RYR1: variants seen among roughly 807,000 people sequenced by gnomAD.
RYR1 encodes the protein ryanodine receptor 1, also known as central core disease of muscle.
Under a neutral mutation model 583.5 loss-of-function variants are expected in RYR1, and 342 were observed. The ratio of observed to expected loss-of-function variants is 0.59; its 90% CI spans 0.54 to 0.64. RYR1 has a LOEUF of 0.64. RYR1 is among the 30% of genes least tolerant of loss of function. The pLI, the probability that RYR1 is intolerant of heterozygous loss-of-function variation, is 0.00. For synonymous variants in RYR1, 2,791 were observed against 2,822.5 expected (o/e 0.99, Z 0.35); for missense variants, 6,032 against 6,917.2 (o/e 0.87, Z 4.54).
At chr19:38,505,142 G>C (rs1251099848) in intron 52 of RYR1, 61 bp downstream of exon 52, 1 of 1,507,630 alleles carries the variant, frequency 6.6e-7, no homozygotes, top group Non-Finnish European at 9.2e-7. Context: ...CCCCCGACCT[G>C]GTTCTTCCCT....
In RYR1 at chr19:38,512,458, G is replaced by T; in HGVS notation, c.9447G>T (p.Gln3149His). ...CCACCCTCTTCCAGCACATCGCCCA[G>T]CACCAGTTCGGAGATGACGTCATCC... is the stretch of plus-strand genomic sequence containing the variant. ...VLTTLFQHIA[Q>H]HQFGDDVILD... The change falls in exon 63 of 106, where the codon CAG (glutamine) becomes CAT (histidine). Residue 3149 changes from glutamine (Q) to histidine (H), a missense_variant. By Grantham distance (24) the Gln-to-His change is conservative. Coordinates refer to ENST00000359596, the MANE Select transcript of RYR1 (RefSeq NM_000540.3). This position sits in a 1 kb window ranked among gnomAD's most constrained non-coding sequence, Gnocchi z 5.1. 1 of 1,612,760 alleles carries T rather than the reference G, an allele frequency of 6.2e-7. No individual in the cohort carries two copies.
rs1969131696 is a variant in RYR1 at position 38,483,659 on chromosome 19, G to A, written c.4934+143G>A. The A allele has an allele frequency of 9.6e-6, 7 of 732,252 alleles. No homozygotes were observed. The Admixed American group carries it at 1.2e-4, about 12-fold the overall frequency. The allele number at this position is 732,252 out of a possible 1,614,324, so 45.4% of individuals were successfully genotyped here. On this transcript the variant is annotated intron_variant, in intron 33 of 105. Transcript: ENST00000359596. The surrounding 1 kb of genome is among the most constrained non-coding windows in gnomAD (Gnocchi z 6.3). ...TCTCCAGACCTACCTCAGGGGACTC[G>A]GGCTCAGCTCAGACATCCCCAGATT...
chr19:38,501,550 C>G (rs1600828108), intron 47 of RYR1, among the ~76,000 whole-genome samples: 1 of 152,166 alleles, frequency 6.6e-6, no homozygotes, highest in Admixed American at 6.5e-5. Flanking sequence ...ACACAGAACT[C>G]TGTACAGGAA....
rs184576613 is a variant in RYR1, at chr19:38,548,206, G to T, written c.12095-27G>T. On this transcript the variant is annotated intron_variant, in intron 88 of 105. Coordinates refer to ENST00000359596, the MANE Select transcript of RYR1 (RefSeq NM_000540.3). Reference sequence around the variant, plus strand: ...GGGCCCCAGAAGGGAGTGTTCACCGGCCACACTGACCTGGGGCTGCCTGCA... The same window carrying T: ...GGGCCCCAGAAGGGAGTGTTCACCGTCCACACTGACCTGGGGCTGCCTGCA... The T allele has an allele frequency of 2.8e-5, 45 of 1,613,616 alleles. No homozygotes were observed. The Admixed American group carries it at 3.7e-4, about 13-fold the overall frequency.
intron 95 of RYR1, 143 bp downstream of exon 95, chr19:38,572,413 T>G (rs536449139): frequency 1.3e-4 from 135 of 1,023,774 alleles, no homozygotes; most frequent in Non-Finnish European, 1.8e-4. Context: ...GCTGGGGAAC[T>G]GGGTACAGGA....
intron 81 of RYR1, 54 bp from the exon 82 acceptor site, chr19:38,535,943 G>A: frequency 1.3e-6 from 2 of 1,526,758 alleles, no homozygotes; most frequent in Non-Finnish European, 1.8e-6. Context: ...CCCTGGGAGA[G>A]AGGAGGGCAG....
chr19:38,516,182 C>T lies in RYR1; in HGVS notation c.9650C>T (p.Ser3217Phe), dbSNP rs1283174775. The change falls in exon 65 of 106, where the codon TCC becomes TTC. Residue 3217 changes from serine to phenylalanine, a missense_variant. Around this residue, in one of 11 missense-constraint regions of RYR1, gnomAD observed 1,493 missense variants for 1,715.5 expected, o/e 0.87. Transcript: ENST00000359596. ...EPQLNEYNACSVYTTKSPRER... is the reference protein window; with the variant it reads ...EPQLNEYNACFVYTTKSPRER... Reference sequence around the variant, plus strand: ...CAGCTGAACGAGTACAACGCCTGCTCCGTGTACACCACCAAGTCTCCGCGG... The same window carrying T: ...CAGCTGAACGAGTACAACGCCTGCTTCGTGTACACCACCAAGTCTCCGCGG... 3 of 1,572,436 alleles carry T rather than the reference C, an allele frequency of 1.9e-6. No individual in the cohort carries two copies. The Admixed American group carries it at 5.6e-5, about 29-fold the overall frequency.
rs1970552777 is a variant in RYR1, at chr19:38,507,923, CGTCCTCCCCTT to C, written c.8932+97_8932+107del. 4.0e-6 allele frequency: 3 copies of C among 759,180 alleles called. No individual in the cohort carries two copies. In the Admixed American group the frequency reaches 5.8e-5, roughly 15 times the overall value. The allele number at this position is 759,180 out of a possible 1,614,324, so 47.0% of individuals were successfully genotyped here. On this transcript the variant is annotated intron_variant, in intron 58 of 105. Coordinates refer to ENST00000359596, the MANE Select transcript of RYR1 (RefSeq NM_000540.3). Reference sequence around the variant, plus strand: ...AGGACACCTGTTCATGCACTCAATCCGTCCTCCCCTTATCTGATGTTTATTGAGCTTCTACT... The same window carrying C: ...AGGACACCTGTTCATGCACTCAATCCATCTGATGTTTATTGAGCTTCTACT...
chr19:38,530,987 C>CTTTTTTTTTTTTTT (rs59244176), intron 76 of RYR1, among the ~76,000 whole-genome samples: 3 of 129,374 alleles, frequency 2.3e-5, no homozygotes, highest in Non-Finnish European at 3.2e-5. Flanking sequence ...TTTTCTTTCT[C>CTTTTTTTTTTTTTT]TTTTTTTTTT....
rs762179811 is a variant in RYR1 at position 38,506,872 on chromosome 19, G to C, written c.8736G>C (p.Thr2912=). ...HPLLVPYDTL[T]AKEKARDREK... The stretch of plus-strand genomic sequence containing the variant: ...TGCTGGTCCCCTACGACACGCTCAC[G>C]GCCAAGGAGAAGGCACGAGATCGAG... Residue 2912 remains threonine (T), a synonymous_variant, in exon 57 of 106, where the codon ACG becomes ACC. Coordinates refer to ENST00000359596, the MANE Select transcript of RYR1 (RefSeq NM_000540.3). 1 of 1,613,948 alleles carries C rather than the reference G, an allele frequency of 6.2e-7. No homozygotes were observed. Among genetic ancestry groups the C allele is most frequent in the South Asian group, 1.1e-5 (1 of 91,066 alleles).
rs60482983 is a variant in RYR1 at position 38,492,360 on chromosome 19, C to CA, written c.6128-113dup. 61,330 of 721,164 alleles carry CA rather than the reference C, an allele frequency of 0.085. 248 individuals carry two copies. Among genetic ancestry groups the CA allele is most frequent in the African/African-American group, 0.15 (6,040 of 39,922 alleles). The allele number at this position is 721,164 out of a possible 1,614,324, so 44.7% of individuals were successfully genotyped here. On this transcript the variant is annotated intron_variant, in intron 37 of 105. Transcript: ENST00000359596. ...ACTGCAACAGAACAAGACACTGTCTCAAAAAAAAAAAAAAAAAGGAAATGA... is the reference window on the plus strand; with the variant it reads ...ACTGCAACAGAACAAGACACTGTCTCAAAAAAAAAAAAAAAAAAGGAAATGA...
intron 76 of RYR1, among the ~76,000 whole-genome samples, chr19:38,531,265 C>T (rs899581292): frequency 1.3e-5 from 2 of 151,932 alleles, no homozygotes; most frequent in African/African-American, 4.8e-5. Context: ...TGTGGGAGAG[C>T]GATGGCTCTG....
At chr19:38,523,156 G>A (rs774097591) in intron 68 of RYR1, 41 bp downstream of exon 68, 4 of 1,613,838 alleles carry the variant, frequency 2.5e-6, no homozygotes, top group Admixed American at 3.3e-5. Flanking sequence ...AACCAGAGGA[G>A]CCGCAGCCCA....
At chr19:38,523,445 C>T in intron 69 of RYR1, 136 bp downstream of exon 69, 1 of 881,084 alleles carries the variant, frequency 1.1e-6, no homozygotes, top group Admixed American at 2.0e-5. Flanking sequence ...GCCCCTCTTA[C>T]CTCCTCTCCC....
intron 91 of RYR1, among the ~76,000 whole-genome samples, chr19:38,566,241 G>A (rs1394125726): frequency 6.6e-6 from 1 of 151,838 alleles, no homozygotes; most frequent in African/African-American, 2.4e-5. Flanking sequence ...CTGAGGTCAG[G>A]AGTTTGAGAC....
Position 38,528,312 on chromosome 19 carries a change from C to A in RYR1, c.10831C>A (p.His3611Asn). Residue 3611 changes from histidine (H) to asparagine (N), a missense_variant, in exon 74 of 106, where the codon CAC becomes AAC. Physicochemically the swap from His to Asn is moderately conservative, Grantham distance 68. This residue lies in a region of RYR1 where 1,493 missense variants were observed against 1,715.5 expected (regional missense o/e 0.87). Transcript: ENST00000359596. ...CCTGCTATCCCCTCCCCAGACCGAGCACCCTTACAAGTCTAAGAAGGCCGT... is the reference window on the plus strand; with the variant it reads ...CCTGCTATCCCCTCCCCAGACCGAGAACCCTTACAAGTCTAAGAAGGCCGT... Reference protein sequence around the residue: ...AVLYYLDQTEHPYKSKKAVWH... With the variant: ...AVLYYLDQTENPYKSKKAVWH... The A allele has an allele frequency of 6.2e-7, 1 of 1,614,058 alleles. No homozygotes were observed. Among genetic ancestry groups the A allele is most frequent in the South Asian group, 1.1e-5 (1 of 91,080 alleles).
At chr19:38,580,976 G>A (rs1476881036) in intron 101 of RYR1, among the ~76,000 whole-genome samples, 1 of 149,140 alleles carries the variant, frequency 6.7e-6, no homozygotes, top group African/African-American at 2.5e-5. Flanking sequence ...TCAGCTCACT[G>A]CAACCTCCGC....
intron 42 of RYR1, 93 bp downstream of exon 42, chr19:38,497,047 G>T: frequency 9.3e-7 from 1 of 1,071,048 alleles, no homozygotes; most frequent in Non-Finnish European, 1.4e-6. Context: ...AACTCATTCT[G>T]GGGGGCAATT....
chr19:38,505,300 C>T lies in RYR1; in HGVS notation c.8311-9C>T, dbSNP rs1193702859. 1 of 1,600,642 alleles carries T rather than the reference C, an allele frequency of 6.2e-7. No individual in the cohort carries two copies. Among genetic ancestry groups the T allele is most frequent in the Admixed American group, 1.7e-5 (1 of 59,668 alleles). Reference sequence around the variant, plus strand: ...CCTCCCCCTCACCCTGCCTCCCCTCCATCTCTAGATCCAGAACAACTGGTC... The same window carrying T: ...CCTCCCCCTCACCCTGCCTCCCCTCTATCTCTAGATCCAGAACAACTGGTC... On this transcript the variant is annotated splice_polypyrimidine_tract_variant and intron_variant, in intron 52 of 105. Transcript: ENST00000359596.
Sources: allele counts gnomAD v4.1 joint callset (sites outside exome capture counted in the v4.1 genomes callset), GRCh38; gene constraint gnomAD v4.1.1; regional missense constraint gnomAD v4.1.1; non-coding constraint Gnocchi (gnomAD v3.1); transcripts MANE v1.5; gene names NCBI Gene and HGNC (gene_info 2026-07-23, HGNC 2026-07-21).